TFEC: variants seen among roughly 807,000 people sequenced by gnomAD.
The protein encoded by TFEC is class E basic helix-loop-helix protein 34.
Under a neutral mutation model 41.6 loss-of-function variants are expected in TFEC, and 31 were observed. The observed-to-expected ratio is 0.74, with a 90% CI of 0.56 to 1.01. TFEC has a LOEUF of 1.01. Among genes scored for constraint, TFEC ranks in the 50% least tolerant of loss-of-function variants. The pLI is 0.00. For missense variants in TFEC, 402 were observed against 404.1 expected (o/e 0.99, Z 0.04); for synonymous variants, 143 against 140.6 (o/e 1.02, Z -0.12).
At chr7:115,982,027 C>G (rs1207082788) in intron 2 of TFEC, among the ~76,000 whole-genome samples, 1 of 152,134 alleles carries the variant, frequency 6.6e-6, no homozygotes, top group African/African-American at 2.4e-5. Flanking sequence ...TTACAAAATG[C>G]TTCTTTTGAT....
intron 1 of TFEC, among the ~76,000 whole-genome samples, chr7:115,996,463 C>A (rs2130750732): frequency 6.6e-6 from 1 of 152,148 alleles, no homozygotes; most frequent in East Asian, 1.9e-4. Context: ...TTGAGTGAGA[C>A]TCAGAGACAT....
At chr7:116,030,324 A>G (rs1795746847) in intron 1 of TFEC, among the ~76,000 whole-genome samples, 1 of 152,228 alleles carries the variant, frequency 6.6e-6, no homozygotes, top group African/African-American at 2.4e-5. Context: ...ATGTTAAATC[A>G]TGTTCCAATT....
rs975168345 is a variant in TFEC, at chr7:115,936,038, A to G, written c.*4513T>C. On this transcript the variant is annotated 3_prime_UTR_variant, in exon 8 of 8. Coordinates refer to ENST00000265440, the MANE Select transcript of TFEC (RefSeq NM_012252.4). ...TAATCTCCTATACATTCAAATCTCTATGGACCTCAGAGGGAAAATGTAGCA... is the reference window on the plus strand; with the variant it reads ...TAATCTCCTATACATTCAAATCTCTGTGGACCTCAGAGGGAAAATGTAGCA... The G allele has an allele frequency of 3.3e-5, 5 of 151,612 alleles. No homozygotes were observed. Among genetic ancestry groups the G allele is most frequent in the African/African-American group, 1.2e-4 (5 of 41,404 alleles). 9.4% of individuals were successfully genotyped at this position (151,612 alleles called of 1,614,324 possible).
chr7:115,941,754 C>T (rs1183671038), intron 7 of TFEC, 139 bp downstream of exon 7: 1 of 1,201,148 alleles, frequency 8.3e-7, no homozygotes, highest in Non-Finnish European at 1.1e-6. Context: ...TCACGAACTT[C>T]TAAAAAGCAG....
At chr7:116,056,829 A>G (rs1213793229) in intron 3 of TFEC, among the ~76,000 whole-genome samples, 1 of 152,134 alleles carries the variant, frequency 6.6e-6, no homozygotes. Context: ...GAAACAGGAA[A>G]ATATAACCCA....
intron 6 of TFEC, 136 bp downstream of exon 6, chr7:115,950,738 A>C: frequency 1.8e-6 from 1 of 568,696 alleles, no homozygotes; most frequent in Non-Finnish European, 3.1e-6. Context: ...TTTTAAAATG[A>C]GCCCAGCAAT....
At chr7:115,977,912 AT>A (rs1793457440) in intron 2 of TFEC, among the ~76,000 whole-genome samples, 4 of 13,014 alleles carry the variant, frequency 3.1e-4, no homozygotes, top group African/African-American at 1.6e-3. Flanking sequence ...AGAAAAAAAC[AT>A]AATGATGACT....
chr7:115,999,282 T>C (rs1303651498), intron 1 of TFEC, among the ~76,000 whole-genome samples: 1 of 151,966 alleles, frequency 6.6e-6, no homozygotes, highest in Non-Finnish European at 1.5e-5. Context: ...TTTAAAAATT[T>C]CTTGAAACAA....
chr7:116,060,849 A>G (rs1796538506), intron 3 of TFEC, among the ~76,000 whole-genome samples: 1 of 149,836 alleles, frequency 6.7e-6, no homozygotes, highest in Non-Finnish European at 1.5e-5. Context: ...ACATATACCC[A>G]CAAACCTAAA....
At chr7:116,139,423 A>G (rs1347289611) in intron 1 of TFEC, among the ~76,000 whole-genome samples, 1 of 152,156 alleles carries the variant, frequency 6.6e-6, no homozygotes, top group Non-Finnish European at 1.5e-5. Flanking sequence ...TCAGCCTTTC[A>G]ACAAACCTTC....
chr7:115,954,680 C>T (rs1584576460), intron 4 of TFEC, 38 bp from the exon 5 acceptor site: 1 of 1,564,126 alleles, frequency 6.4e-7, no homozygotes. Context: ...ATGCTTAGTT[C>T]TACCTTAAAA....
chr7:116,043,561 T>A (rs1796090308), intron 3 of TFEC, among the ~76,000 whole-genome samples: 1 of 152,218 alleles, frequency 6.6e-6, no homozygotes, highest in Non-Finnish European at 1.5e-5. Context: ...CTAAGTGAGC[T>A]ATGATCAAAT....
intron 1 of TFEC, among the ~76,000 whole-genome samples, chr7:116,015,525 T>TA (rs1468783987): frequency 6.6e-6 from 1 of 152,086 alleles, no homozygotes; most frequent in African/African-American, 2.4e-5. Context: ...AGTAGGATAA[T>TA]AATGTGATCA....
At position 116,037,763 on chromosome 7, in the gene TFEC, T is replaced by C. The variant is rs189732886; in HGVS notation, c.199-53250A>G. 1.0e-3 allele frequency among the ~76,000 whole-genome samples: 153 copies of C among 152,156 alleles called. 1 individual carries two copies. Among genetic ancestry groups the C allele is most frequent in the Non-Finnish European group, 1.6e-3 (110 of 67,906 alleles). ...AATTGAAACTTACCAAGATTTTTAC[T>C]ATTTCATTAGCATACTAGTAAGCAT... On this transcript the variant is annotated intron_variant, in intron 3 of 8. Coordinates refer to the TFEC transcript ENST00000484212.
intron 1 of TFEC, among the ~76,000 whole-genome samples, chr7:116,129,215 C>T (rs1562980122): frequency 2.6e-5 from 4 of 152,270 alleles, no homozygotes; most frequent in African/African-American, 9.6e-5. Context: ...GTCCTTCATT[C>T]TCTTGTCCCA....
intron 3 of TFEC, among the ~76,000 whole-genome samples, chr7:115,973,255 T>C (rs1793216502): frequency 6.6e-6 from 1 of 151,876 alleles, no homozygotes; most frequent in African/African-American, 2.4e-5. Flanking sequence ...ACTTAAGAAT[T>C]GATACAGAAA....
intron 2 of TFEC, among the ~76,000 whole-genome samples, chr7:115,979,319 C>T (rs1793522611): frequency 6.6e-6 from 1 of 152,172 alleles, no homozygotes; most frequent in Admixed American, 6.6e-5. Flanking sequence ...TTACCACCAT[C>T]TGCCTTCTTT....
chr7:116,088,052 A>G (rs1797240369), intron 3 of TFEC, among the ~76,000 whole-genome samples: 1 of 152,100 alleles, frequency 6.6e-6, no homozygotes. Flanking sequence ...CATTCTTTAT[A>G]GGACTTTGCT....
intron 1 of TFEC, among the ~76,000 whole-genome samples, chr7:116,005,686 A>C (rs1157373029): frequency 6.6e-6 from 1 of 152,202 alleles, no homozygotes; most frequent in Non-Finnish European, 1.5e-5. Context: ...GAAGAAATTC[A>C]AGTGGGCTGT....
Sources: gnomAD v4.1 joint callset for allele counts (sites outside exome capture counted in the v4.1 genomes callset) on GRCh38, gnomAD v4.1.1 for gene constraint, MANE v1.5 for transcripts, NCBI Gene and HGNC (gene_info 2026-07-23, HGNC 2026-07-21) for gene names.